Variants in TRIM2 observed in about 807,000 individuals in gnomAD.
TRIM2 encodes the protein tripartite motif containing 2.
In TRIM2, 20 loss-of-function variants were observed where a neutral mutation model predicts 75.2. The ratio of observed to expected loss-of-function variants is 0.27; its 90% CI spans 0.19 to 0.39. The LOEUF (loss-of-function observed/expected upper bound fraction) is 0.39, where lower values mean the gene tolerates loss of function less well. Ranked by LOEUF, TRIM2 falls within the 10% of genes least tolerant of loss-of-function variation. The pLI is 1.00. For missense variants in TRIM2, 660 were observed against 990.8 expected, an observed-to-expected ratio of 0.67 and a Z score of 4.48; for synonymous variants, 373 against 388.3, an observed-to-expected ratio of 0.96 and a Z score of 0.46.
At chr4:153,238,578 C>T (rs549100558) in intron 1 of TRIM2, among the ~76,000 whole-genome samples, 26 of 152,184 alleles carry the variant, frequency 1.7e-4, no homozygotes, top group African/African-American at 2.2e-4. Context: ...AAAGGTATAA[C>T]GGTTTAAGAA....
chr4:153,229,790 T>C (rs960919039), intron 1 of TRIM2, among the ~76,000 whole-genome samples: 7 of 152,304 alleles, frequency 4.6e-5, no homozygotes, highest in African/African-American at 1.7e-4. Context: ...GCATCTTTGG[T>C]GCTTATTGCA....
At chr4:153,247,996 T>G (rs1039869935) in intron 1 of TRIM2, among the ~76,000 whole-genome samples, 1 of 38,160 alleles carries the variant, frequency 2.6e-5, no homozygotes, top group African/African-American at 1.6e-4. Context: ...GGATCATGTG[T>G]TTTTTTTTTT....
chr4:153,156,454 C>T (rs192621254), intron 1 of TRIM2, among the ~76,000 whole-genome samples: 4 of 152,212 alleles, frequency 2.6e-5, no homozygotes, highest in Admixed American at 2.6e-4. Flanking sequence ...CCATTCTTAA[C>T]CACGCCTGCC....
At chr4:153,210,706 C>G (rs77349018) in intron 1 of TRIM2, among the ~76,000 whole-genome samples, 1 of 152,042 alleles carries the variant, frequency 6.6e-6, no homozygotes, top group East Asian at 1.9e-4. Context: ...GAAATGTGGC[C>G]CCTTTAAATA....
chr4:153,289,559 C>G (rs80134695), intron 3 of TRIM2, among the ~76,000 whole-genome samples: 1 of 152,078 alleles, frequency 6.6e-6, no homozygotes, highest in Non-Finnish European at 1.5e-5. Context: ...ACATTTTTCG[C>G]GACTCTATAT....
chr4:153,320,851 CGAA>C (rs1213666763), intron 8 of TRIM2, among the ~76,000 whole-genome samples: 1 of 151,994 alleles, frequency 6.6e-6, no homozygotes, highest in Non-Finnish European at 1.5e-5. Flanking sequence ...CAACTGGTCT[CGAA>C]CTCCTGACCT....
chr4:153,236,528 C>G (rs1745071541), intron 1 of TRIM2, among the ~76,000 whole-genome samples: 1 of 152,052 alleles, frequency 6.6e-6, no homozygotes, highest in Non-Finnish European at 1.5e-5. Context: ...AGTAGTTGTC[C>G]TCAATTCTGC....
At chr4:153,153,768 C>G (rs1198444596) in intron 1 of TRIM2, among the ~76,000 whole-genome samples, 1 of 152,284 alleles carries the variant, frequency 6.6e-6, no homozygotes, top group South Asian at 2.1e-4. Context: ...CGGCGCGCAT[C>G]GCTGAGTCCG....
intron 1 of TRIM2, among the ~76,000 whole-genome samples, chr4:153,243,457 T>G (rs1747206046): frequency 6.6e-6 from 1 of 152,230 alleles, no homozygotes; most frequent in African/African-American, 2.4e-5. Flanking sequence ...GAGCACTGGA[T>G]GCAGTTACAT....
At chr4:153,200,245 T>C (rs1020706837), upstream of TRIM2, among the ~76,000 whole-genome samples, 2 of 152,210 alleles carry the variant, frequency 1.3e-5, no homozygotes, top group African/African-American at 4.8e-5. Context: ...AGCTAATTTT[T>C]AAAATTGTTT....
chr4:153,295,179 G>T lies in TRIM2; in HGVS notation c.787-134G>T. 7.9e-7 allele frequency: 1 copy of T among 1,270,664 alleles called. No homozygotes were observed. The highest frequency in any genetic ancestry group is 1.1e-6 in the Non-Finnish European group (1 of 951,270). 78.7% of individuals were successfully genotyped at this position (1,270,664 alleles called of 1,614,324 possible). ...TTTGCGTTAGCACTGGGTTCCCTGGGTTGACAAACACCGCTTGCTCAGAGC... is the reference window on the plus strand; with the variant it reads ...TTTGCGTTAGCACTGGGTTCCCTGGTTTGACAAACACCGCTTGCTCAGAGC... On this transcript the variant is annotated intron_variant, in intron 5 of 11. Coordinates refer to ENST00000338700, the MANE Select transcript of TRIM2 (RefSeq NM_015271.5). The surrounding 1 kb of genome is among the most constrained non-coding windows in gnomAD (Gnocchi z 7.2).
intron 10 of TRIM2, among the ~76,000 whole-genome samples, chr4:153,328,128 G>C (rs1770646471): frequency 6.6e-6 from 1 of 152,002 alleles, no homozygotes; most frequent in Non-Finnish European, 1.5e-5. Context: ...AACTTTTAAT[G>C]GTCATCCATC....
intron 6 of TRIM2, among the ~76,000 whole-genome samples, chr4:153,298,375 G>T (rs1167435759): frequency 6.6e-6 from 1 of 152,110 alleles, no homozygotes; most frequent in Non-Finnish European, 1.5e-5. Flanking sequence ...GTGCTGGGAG[G>T]GTGGGTTTCC....
chr4:153,171,442 C>T (rs1730837755), intron 1 of TRIM2, among the ~76,000 whole-genome samples: 1 of 152,028 alleles, frequency 6.6e-6, no homozygotes, highest in Admixed American at 6.6e-5. Flanking sequence ...AAAAATTAGC[C>T]AGGCATGGTG....
chr4:153,315,501 T>C lies in TRIM2; in HGVS notation c.1527T>C (p.Asn509=), dbSNP rs369980947. The change falls in exon 7 of 12, where the codon AAT becomes AAC. Residue 509 remains asparagine (N), a synonymous_variant. Coordinates refer to ENST00000338700, the MANE Select transcript of TRIM2 (RefSeq NM_015271.5). ...LIFRVGTKGR[N]KGEFTNLQGV... Reference sequence around the variant, plus strand: ...TTATTTTAGGTACCAAAGGAAGAAATAAAGGAGAGTTTACAAATCTTCAGG... The same window carrying C: ...TTATTTTAGGTACCAAAGGAAGAAACAAAGGAGAGTTTACAAATCTTCAGG... The C allele has an allele frequency of 1.2e-6, 2 of 1,602,772 alleles. No individual in the cohort carries two copies. The highest frequency in any genetic ancestry group is 2.2e-5 in the East Asian group (1 of 44,724).
Position 153,335,476 on chromosome 4 carries a change from TA to T in TRIM2, c.*513del. The T allele has an allele frequency of 1.0e-6, 1 of 985,458 alleles. No individual in the cohort carries two copies. The highest frequency in any genetic ancestry group is 1.2e-6 in the Non-Finnish European group (1 of 829,924). 61.0% of individuals were successfully genotyped at this position (985,458 alleles called of 1,614,324 possible). On this transcript the variant is annotated 3_prime_UTR_variant, in exon 12 of 12. Transcript: ENST00000338700. Reference sequence around the variant, plus strand: ...TTTTTTGGTTATCAACAACTAAATATAAATTACTTTGGAAAAAGTAAGGCTG... The same window carrying T: ...TTTTTTGGTTATCAACAACTAAATATAATTACTTTGGAAAAAGTAAGGCTG...
At chr4:153,169,365 C>T (rs1487895954) in intron 1 of TRIM2, among the ~76,000 whole-genome samples, 1 of 152,144 alleles carries the variant, frequency 6.6e-6, no homozygotes, top group African/African-American at 2.4e-5. Context: ...ACACATTGAA[C>T]CTATCCAGTT....
At chr4:153,195,288 G>A (rs1261286428) in intron 1 of TRIM2, among the ~76,000 whole-genome samples, 11 of 152,066 alleles carry the variant, frequency 7.2e-5, no homozygotes, top group African/African-American at 2.4e-4. Context: ...GGAGGCTGAG[G>A]CAGGTGGATT....
chr4:153,282,517 A>C (rs1759570070), intron 3 of TRIM2, among the ~76,000 whole-genome samples: 1 of 152,192 alleles, frequency 6.6e-6, no homozygotes, highest in Non-Finnish European at 1.5e-5. Flanking sequence ...ACAAAGTGAG[A>C]CCCTTTCTCT....
Sources: gnomAD v4.1 joint callset for allele counts (sites outside exome capture counted in the v4.1 genomes callset) on GRCh38, gnomAD v4.1.1 for gene constraint, Gnocchi (gnomAD v3.1) non-coding constraint, MANE v1.5 for transcripts, NCBI Gene and HGNC (gene_info 2026-07-23, HGNC 2026-07-21) for gene names.